Variants in VAV2 observed in about 807,000 individuals in gnomAD.
The protein encoded by VAV2 is guanine nucleotide exchange factor VAV2.
A neutral mutation model predicts 132.5 loss-of-function variants in VAV2; 67 were observed. That is an observed-to-expected ratio of 0.51 (90% CI 0.42 to 0.62). VAV2 has a LOEUF of 0.62. Among genes scored for constraint, VAV2 ranks in the 20% least tolerant of loss-of-function variants. The pLI, the probability that VAV2 is intolerant of heterozygous loss-of-function variation, is 0.00. For missense variants in VAV2, 938 were observed against 1,153.6 expected, an observed-to-expected ratio of 0.81 and a Z score of 2.71; for synonymous variants, 492 against 443.5, an observed-to-expected ratio of 1.11 and a Z score of -1.37.
chr9:133,904,167 CCGGCTCCAGCCCA>C (rs1221798949), intron 2 of VAV2, among the ~76,000 whole-genome samples: 2 of 152,134 alleles, frequency 1.3e-5, no homozygotes, highest in East Asian at 3.9e-4. Context: ...TCCTGGTGGG[CCGGCTCCAGCCCA>C]AGCGCCAGGC....
At chr9:133,914,472 G>C (rs1839987183) in intron 2 of VAV2, among the ~76,000 whole-genome samples, 1 of 149,560 alleles carries the variant, frequency 6.7e-6, no homozygotes, top group Non-Finnish European at 1.5e-5. Context: ...AGTGAGCCTG[G>C]AGGACACCAC....
chr9:133,940,789 A>G (rs1266467463), intron 1 of VAV2, among the ~76,000 whole-genome samples: 1 of 152,078 alleles, frequency 6.6e-6, no homozygotes, highest in South Asian at 2.1e-4. Context: ...AAGAACAAGG[A>G]CATCCTCTTC....
At position 133,879,016 on chromosome 9, in the gene VAV2, T is replaced by C. The variant is rs993821332; in HGVS notation, c.322-17584A>G. On this transcript the variant is annotated intron_variant, in intron 2 of 29. Transcript: ENST00000371850. This position sits in a 1 kb window ranked among gnomAD's most constrained non-coding sequence, Gnocchi z 4.4. The stretch of plus-strand genomic sequence containing the variant: ...GCATGGTGGGGCAGGGGCAGGGAGG[T>C]GTCTCCTCAGGATCCCCCCGTTCCC... Among the ~76,000 whole-genome samples the C allele has an allele frequency of 1.3e-5, 2 of 151,910 alleles. No individual in the cohort carries two copies. Among genetic ancestry groups the C allele is most frequent in the East Asian group, 3.9e-4 (2 of 5,146 alleles).
intron 13 of VAV2, among the ~76,000 whole-genome samples, chr9:133,790,179 CTTG>C (rs200126606): frequency 0.011 from 1,683 of 152,270 alleles, 30 homozygotes; most frequent in Admixed American, 0.045. Context: ...CTGTTTTATT[CTTG>C]TTGTTGTCGT....
chr9:133,861,330 A>G, intron 3 of VAV2, 44 bp downstream of exon 3: 2 of 1,581,654 alleles, frequency 1.3e-6, no homozygotes, highest in African/African-American at 1.4e-5. Flanking sequence ...GTGTCGATGG[A>G]GATGAAAGGA....
intron 3 of VAV2, among the ~76,000 whole-genome samples, chr9:133,842,091 C>T (rs547347232): frequency 6.6e-6 from 1 of 152,316 alleles, no homozygotes; most frequent in African/African-American, 2.4e-5. Context: ...AAGGTACTGA[C>T]GATTGCAGAA....
intron 3 of VAV2, among the ~76,000 whole-genome samples, chr9:133,851,078 C>G (rs1335571147): frequency 6.6e-6 from 1 of 152,232 alleles, no homozygotes; most frequent in African/African-American, 2.4e-5. Flanking sequence ...TCTAAAACCA[C>G]TTTCATGGAC....
At chr9:133,902,968 G>T (rs1479483988) in intron 2 of VAV2, among the ~76,000 whole-genome samples, 1 of 151,812 alleles carries the variant, frequency 6.6e-6, no homozygotes, top group Non-Finnish European at 1.5e-5. Flanking sequence ...CCAGCTACTA[G>T]GGAGGCTAAG....
chr9:133,987,816 G>A (rs1182190324), intron 1 of VAV2, among the ~76,000 whole-genome samples: 1 of 152,204 alleles, frequency 6.6e-6, no homozygotes, highest in South Asian at 2.1e-4. Context: ...TACCCAATTA[G>A]TTTAATTAAA....
intron 25 of VAV2, 96 bp from the exon 26 acceptor site, chr9:133,772,142 G>A (rs938443276): frequency 3.7e-5 from 40 of 1,080,934 alleles, no homozygotes; most frequent in Non-Finnish European, 5.6e-5. Flanking sequence ...CTGCAGCAAA[G>A]CCCCTCGTCC....
intron 2 of VAV2, among the ~76,000 whole-genome samples, chr9:133,865,402 T>C (rs1837759580): frequency 6.6e-6 from 1 of 152,240 alleles, no homozygotes; most frequent in African/African-American, 2.4e-5. Flanking sequence ...ACACCTCCTG[T>C]AACTTCATTC....
At chr9:133,955,380 C>A (rs1023019254) in intron 1 of VAV2, among the ~76,000 whole-genome samples, 3 of 150,478 alleles carry the variant, frequency 2.0e-5, no homozygotes, top group African/African-American at 7.4e-5. Flanking sequence ...CCTCCTTACT[C>A]CCCGCCCACG....
At position 133,769,340 on chromosome 9, in the gene VAV2, G is replaced by C; in HGVS notation, c.2434+77C>G. The C allele has an allele frequency of 6.9e-7, 1 of 1,451,618 alleles. No homozygotes were observed. The highest frequency in any genetic ancestry group is 9.3e-7 in the Non-Finnish European group (1 of 1,071,576). The allele number at this position is 1,451,618 out of a possible 1,614,324, so 89.9% of individuals were successfully genotyped here. On this transcript the variant is annotated intron_variant, in intron 28 of 29. Coordinates refer to ENST00000371850, the MANE Select transcript of VAV2 (RefSeq NM_001134398.2). The surrounding 1 kb of genome is among the most constrained non-coding windows in gnomAD (Gnocchi z 8.1). Reference sequence around the variant, plus strand: ...CACGTCAGGCAGGGCTGTGGGGCCAGTGGGCAGCTCCGTGCTGGGTCTCCC... The same window carrying C: ...CACGTCAGGCAGGGCTGTGGGGCCACTGGGCAGCTCCGTGCTGGGTCTCCC...
intron 18 of VAV2, among the ~76,000 whole-genome samples, chr9:133,784,070 A>T (rs1186118977): frequency 6.6e-6 from 1 of 152,260 alleles, no homozygotes; most frequent in African/African-American, 2.4e-5. Context: ...TTGTACAGAC[A>T]GAGTTTTGCC....
In VAV2 at chr9:133,812,151, T is replaced by C; in HGVS notation, c.515A>G (p.Tyr172Cys). 6.2e-7 allele frequency: 1 copy of C among 1,614,018 alleles called. No homozygotes were observed. Among genetic ancestry groups the C allele is most frequent in the Non-Finnish European group, 8.5e-7 (1 of 1,180,002 alleles). Residue 172 changes from tyrosine to cysteine, a missense_variant, in exon 5 of 30, where the codon TAC becomes TGC. Transcript: ENST00000371850. ...VPCEDGGDDI[Y>C]EDIIKVEVQQ... ...CACCTCCACCTTGATGATGTCCTCG[T>C]AGATGTCGTCCCCTCCATCCTCACA...
chr9:133,937,505 T>C (rs77370537), intron 2 of VAV2, among the ~76,000 whole-genome samples: 3 of 23,734 alleles, frequency 1.3e-4, no homozygotes, highest in Non-Finnish European at 1.9e-4. Flanking sequence ...TGTGTGCGTG[T>C]GAGTGTGTGT....
intron 2 of VAV2, among the ~76,000 whole-genome samples, chr9:133,932,248 C>T (rs1840713693): frequency 6.6e-6 from 1 of 152,216 alleles, no homozygotes; most frequent in Non-Finnish European, 1.5e-5. Flanking sequence ...CGCCCAGACA[C>T]AGGGCACAGA....
intron 1 of VAV2, among the ~76,000 whole-genome samples, chr9:133,987,497 G>A (rs1267109083): frequency 1.3e-5 from 2 of 152,264 alleles, no homozygotes; most frequent in Non-Finnish European, 2.9e-5. Context: ...CCGGAGGGGG[G>A]GATGCCAAAA....
chr9:133,875,782 C>T (rs1838238648), intron 2 of VAV2, among the ~76,000 whole-genome samples: 1 of 152,176 alleles, frequency 6.6e-6, no homozygotes, highest in Non-Finnish European at 1.5e-5. Flanking sequence ...GCTACGGCAC[C>T]ATCCTGCCTG....
Sources: gnomAD v4.1 joint callset for allele counts (sites outside exome capture counted in the v4.1 genomes callset) on GRCh38, gnomAD v4.1.1 for gene constraint, Gnocchi (gnomAD v3.1) non-coding constraint, MANE v1.5 for transcripts, NCBI Gene and HGNC (gene_info 2026-07-23, HGNC 2026-07-21) for gene names.